Variants in UNC79 observed in about 807,000 individuals in gnomAD.
The protein encoded by UNC79 is protein unc-79 homolog.
A neutral mutation model predicts 283.1 loss-of-function variants in UNC79; 37 were observed. That is an observed-to-expected ratio of 0.13 (90% CI 0.10 to 0.17). The LOEUF (loss-of-function observed/expected upper bound fraction) is 0.17, where lower values mean the gene tolerates loss of function less well. Among genes scored for constraint, UNC79 ranks in the 10% least tolerant of loss-of-function variants. The pLI, the probability that UNC79 is intolerant of heterozygous loss-of-function variation, is 1.00. For missense variants in UNC79, 2,272 were observed against 3,211.1 expected, an observed-to-expected ratio of 0.71 and a Z score of 7.07; for synonymous variants, 1,107 against 1,200.2, an observed-to-expected ratio of 0.92 and a Z score of 1.61.
chr14:93,431,856 C>A (rs1439700130), intron 1 of UNC79, among the ~76,000 whole-genome samples: 4 of 152,112 alleles, frequency 2.6e-5, no homozygotes, highest in African/African-American at 4.8e-5. Flanking sequence ...TATTGCAGTG[C>A]GCACTAGTAG....
At chr14:93,527,460 A>G (rs1472668153) in intron 8 of UNC79, among the ~76,000 whole-genome samples, 1 of 152,244 alleles carries the variant, frequency 6.6e-6, no homozygotes, top group East Asian at 1.9e-4. Context: ...AGGAAGCATG[A>G]AACTTACATG....
At chr14:93,494,587 C>G (rs911367490) in intron 5 of UNC79, among the ~76,000 whole-genome samples, 1 of 152,180 alleles carries the variant, frequency 6.6e-6, no homozygotes, top group African/African-American at 2.4e-5. Flanking sequence ...AGCCCACACA[C>G]AAGTGTCCAG....
intron 41 of UNC79, among the ~76,000 whole-genome samples, chr14:93,678,111 C>G (rs2073510868): frequency 6.6e-6 from 1 of 152,156 alleles, no homozygotes; most frequent in Admixed American, 6.5e-5. Flanking sequence ...TTCCCCTTTA[C>G]CTTTGGGCAT....
At chr14:93,370,785 AAAAG>A (rs2054427407) in intron 1 of UNC79, among the ~76,000 whole-genome samples, 1 of 152,068 alleles carries the variant, frequency 6.6e-6, no homozygotes, top group African/African-American at 2.4e-5. Context: ...AAGAAAAAGA[AAAAG>A]AAAAGATGTA....
In UNC79 at chr14:93,599,522, C is replaced by T. The variant is rs549323543; in HGVS notation, c.3373-1047C>T. On this transcript the variant is annotated intron_variant, in intron 24 of 48. Coordinates refer to ENST00000555664, the Ensembl canonical transcript of UNC79. Reference sequence around the variant, plus strand: ...TGGCACATTCTTTTTTTTGTAAAATCTCCAGTTGACTTCTGAATAGTTCTT... The same window carrying T: ...TGGCACATTCTTTTTTTTGTAAAATTTCCAGTTGACTTCTGAATAGTTCTT... Among the ~76,000 whole-genome samples the T allele has an allele frequency of 1.3e-4, 20 of 152,268 alleles. 1 individual carries two copies. The South Asian group carries it at 4.1e-3, about 32-fold the overall frequency.
chr14:93,389,551 G>T (rs560804185), intron 1 of UNC79, among the ~76,000 whole-genome samples: 1 of 152,252 alleles, frequency 6.6e-6, no homozygotes, highest in African/African-American at 2.4e-5. Context: ...CTTGGAGGTG[G>T]AAGGTGTTAG....
chr14:93,397,570 G>A (rs1027795208), intron 1 of UNC79, among the ~76,000 whole-genome samples: 3 of 151,744 alleles, frequency 2.0e-5, no homozygotes, highest in Non-Finnish European at 2.9e-5. Flanking sequence ...CTACAACCTG[G>A]GCCCTATGGT....
intron 1 of UNC79, among the ~76,000 whole-genome samples, chr14:93,406,841 C>T (rs1020162317): frequency 4.6e-5 from 7 of 152,022 alleles, no homozygotes; most frequent in African/African-American, 1.2e-4. Flanking sequence ...GTTTCCTAGG[C>T]GGCTATAACA....
intron 26 of UNC79, among the ~76,000 whole-genome samples, chr14:93,608,008 A>C (rs1293037899): frequency 6.6e-6 from 1 of 152,194 alleles, no homozygotes; most frequent in African/African-American, 2.4e-5. Flanking sequence ...TGGAAGTGAC[A>C]ATTTTTGTTC....
intron 42 of UNC79, 94 bp from the exon 46 acceptor site, chr14:93,686,478 G>C: frequency 7.5e-7 from 1 of 1,331,012 alleles, no homozygotes; most frequent in African/African-American, 1.4e-5. Context: ...AAAGTAAAAC[G>C]ACTCCTTAGT....
chr14:93,607,043 TCA>T (rs2065935144), intron 26 of UNC79, among the ~76,000 whole-genome samples: 1 of 152,170 alleles, frequency 6.6e-6, no homozygotes, highest in Non-Finnish European at 1.5e-5. Context: ...TTCAGCACCT[TCA>T]TTTCATCCTA....
At chr14:93,378,950 T>G (rs1453507351) in intron 1 of UNC79, among the ~76,000 whole-genome samples, 1 of 152,128 alleles carries the variant, frequency 6.6e-6, no homozygotes, top group East Asian at 1.9e-4. Context: ...GTGGAGTAGC[T>G]GGAAAGGCTA....
At chr14:93,434,416 T>C (rs2140105147) in intron 1 of UNC79, among the ~76,000 whole-genome samples, 1 of 152,278 alleles carries the variant, frequency 6.6e-6, no homozygotes, top group South Asian at 2.1e-4. Flanking sequence ...CAAAGTTCAC[T>C]GTAGTGAAAA....
intron 14 of UNC79, among the ~76,000 whole-genome samples, chr14:93,566,566 C>G (rs2062893927): frequency 6.6e-6 from 1 of 151,976 alleles, no homozygotes; most frequent in East Asian, 1.9e-4. Flanking sequence ...ATCAATAGTT[C>G]AGCATTCCTT....
At chr14:93,598,773 C>T (rs911063359) in intron 24 of UNC79, among the ~76,000 whole-genome samples, 4 of 152,028 alleles carry the variant, frequency 2.6e-5, no homozygotes, top group East Asian at 1.9e-4. Context: ...TCGCCTGCCT[C>T]GGCCTCCCAA....
At chr14:93,700,004 C>A (rs1160744113) in intron 47 of UNC79, among the ~76,000 whole-genome samples, 1 of 147,922 alleles carries the variant, frequency 6.8e-6, no homozygotes, top group Non-Finnish European at 1.5e-5. Flanking sequence ...GTTTTAGAAG[C>A]TTTATTTTGC....
At chr14:93,406,408 C>T (rs2055226199) in intron 1 of UNC79, among the ~76,000 whole-genome samples, 1 of 151,900 alleles carries the variant, frequency 6.6e-6, no homozygotes. Context: ...CATAGTGAGA[C>T]CCCATATCTT....
chr14:93,588,740 C>CAA (rs397745981), intron 22 of UNC79, among the ~76,000 whole-genome samples: 769 of 17,576 alleles, frequency 0.044, 104 homozygotes, highest in African/African-American at 0.1. Flanking sequence ...GACTCCGTCT[C>CAA]AAAAAAAAAA....
At chr14:93,351,672 A>G (rs2053982260) in intron 1 of UNC79, among the ~76,000 whole-genome samples, 1 of 152,202 alleles carries the variant, frequency 6.6e-6, no homozygotes, top group Non-Finnish European at 1.5e-5. Context: ...TAGGATGTGT[A>G]TATATACACA....
Sources: allele counts gnomAD v4.1 joint callset (sites outside exome capture counted in the v4.1 genomes callset), GRCh38; gene constraint gnomAD v4.1.1; transcripts MANE v1.5; gene names NCBI Gene and HGNC (gene_info 2026-07-23, HGNC 2026-07-21).